ALG14: variants seen among roughly 807,000 people sequenced by gnomAD.
ALG14 encodes ALG14 UDP-N-acetylglucosaminyltransferase subunit.
In ALG14, 17 loss-of-function variants were observed where a neutral mutation model predicts 22.8. The ratio of observed to expected loss-of-function variants is 0.75; its 90% CI spans 0.51 to 1.12. The LOEUF (loss-of-function observed/expected upper bound fraction) is 1.12. Among genes scored for constraint, ALG14 ranks in the 50% most tolerant of loss-of-function variants. The probability of loss-of-function intolerance (pLI) is 0.00; values close to 1 mark genes in which losing one functional copy is unlikely to be tolerated. For missense variants in ALG14, 288 were observed against 271.8 expected, an observed-to-expected ratio of 1.06 and a Z score of -0.42; for synonymous variants, 89 against 103.7, an observed-to-expected ratio of 0.86 and a Z score of 0.86.
intron 2 of ALG14, among the ~76,000 whole-genome samples, chr1:95,044,961 T>C (rs1211133650): frequency 2.6e-5 from 4 of 152,194 alleles, no homozygotes; most frequent in Non-Finnish European, 5.9e-5. Context: ...TTTTTAAACA[T>C]CAGGAACATG....
intron 3 of ALG14, among the ~76,000 whole-genome samples, chr1:95,021,489 C>T (rs1344430000): frequency 3.3e-5 from 5 of 152,192 alleles, no homozygotes; most frequent in African/African-American, 7.2e-5. Flanking sequence ...ATTATCGGTG[C>T]TGTCTGTGCC....
chr1:95,021,021 G>T (rs1037748848), intron 3 of ALG14, among the ~76,000 whole-genome samples: 1 of 152,144 alleles, frequency 6.6e-6, no homozygotes, highest in African/African-American at 2.4e-5. Context: ...ATGGTGCTTT[G>T]ATAAAGAGAA....
intron 3 of ALG14, among the ~76,000 whole-genome samples, chr1:94,994,083 T>A (rs1330278942): frequency 1.3e-5 from 2 of 152,238 alleles, no homozygotes; most frequent in African/African-American, 4.8e-5. Context: ...GTTGGAATGG[T>A]CAGGCCATGC....
intron 3 of ALG14, among the ~76,000 whole-genome samples, chr1:95,015,854 T>C (rs1673483737): frequency 6.6e-6 from 1 of 152,248 alleles, no homozygotes. Flanking sequence ...GCATCCAAAC[T>C]GGGCATTGTG....
intron 3 of ALG14, among the ~76,000 whole-genome samples, chr1:94,992,282 C>T (rs1672794309): frequency 6.6e-6 from 1 of 152,084 alleles, no homozygotes; most frequent in Admixed American, 6.6e-5. Flanking sequence ...TCTATGATGT[C>T]ACCAGGTGAT....
chr1:95,013,180 T>TA (rs1673415134), intron 3 of ALG14, among the ~76,000 whole-genome samples: 1 of 151,702 alleles, frequency 6.6e-6, no homozygotes, highest in African/African-American at 2.4e-5. Flanking sequence ...TCACAAATGT[T>TA]AGAGTTGCTA....
At position 94,978,404 on chromosome 1, in the gene ALG14, C is replaced by CTA. The variant is rs1672436847; in HGVS notation, c.*4671_*4672insTA. ...ATTAGTGCCTATGTTTTGTACAGAG[C>CTA]TGTGGTGTAAATACTATCAAAAGTG... On this transcript the variant is annotated 3_prime_UTR_variant, in exon 4 of 4. Transcript: ENST00000370205. 2.0e-5 allele frequency: 3 copies of CTA among 152,146 alleles called. No homozygotes were observed. Among genetic ancestry groups the CTA allele is most frequent in the Admixed American group, 6.5e-5 (1 of 15,268 alleles). 9.4% of individuals were successfully genotyped at this position (152,146 alleles called of 1,614,324 possible). A position where few individuals can be genotyped will look rare whatever the true frequency, so the allele number is the denominator to read the frequency against.
chr1:95,014,967 T>C (rs929109695), intron 3 of ALG14, among the ~76,000 whole-genome samples: 7 of 152,184 alleles, frequency 4.6e-5, no homozygotes, highest in Non-Finnish European at 1.0e-4. Flanking sequence ...TCCTAACCCT[T>C]TGCAATCTGA....
intron 2 of ALG14, among the ~76,000 whole-genome samples, chr1:95,035,526 T>C (rs1156628905): frequency 6.6e-6 from 1 of 152,122 alleles, no homozygotes; most frequent in Admixed American, 6.6e-5. Flanking sequence ...ACAAGAAAAG[T>C]AGGATGCTGA....
chr1:94,992,506 G>A (rs1446365440), intron 3 of ALG14, among the ~76,000 whole-genome samples: 1 of 152,074 alleles, frequency 6.6e-6, no homozygotes, highest in Non-Finnish European at 1.5e-5. Context: ...GATGACGAAT[G>A]AAGATTTTGT....
intron 2 of ALG14, among the ~76,000 whole-genome samples, chr1:95,030,103 T>TTG (rs1441958228): frequency 6.6e-6 from 1 of 152,196 alleles, no homozygotes. Context: ...CAGAAACCTT[T>TTG]TGGGTCAGAA....
At position 94,978,179 on chromosome 1, in the gene ALG14, C is replaced by T. The variant is rs1041368661; in HGVS notation, c.*4897G>A. On this transcript the variant is annotated 3_prime_UTR_variant, in exon 4 of 4. Coordinates refer to ENST00000370205, the MANE Select transcript of ALG14 (RefSeq NM_144988.4). ...CCCTGGTTCAAGCAATTATTTGCCT[C>T]AGCCTCCCAAGTAGCTGGAATTACA... 2 of 151,944 alleles carry T rather than the reference C, an allele frequency of 1.3e-5. No homozygotes were observed. Among genetic ancestry groups the T allele is most frequent in the Non-Finnish European group, 2.9e-5 (2 of 68,026 alleles). 9.4% of individuals were successfully genotyped at this position (151,944 alleles called of 1,614,324 possible).
chr1:95,024,438 C>T (rs973099495), intron 3 of ALG14, among the ~76,000 whole-genome samples: 12 of 152,088 alleles, frequency 7.9e-5, no homozygotes, highest in Non-Finnish European at 1.5e-5. Flanking sequence ...TTTTAAAATA[C>T]TGGATAACTT....
At position 95,064,959 on chromosome 1, in the gene ALG14, A is replaced by AGGT. The variant is rs1438870990; in HGVS notation, c.192_194dup (p.Pro65dup). 1 of 1,614,030 alleles carries AGGT rather than the reference A, an allele frequency of 6.2e-7. No homozygotes were observed. The highest frequency in any genetic ancestry group is 2.2e-5 in the East Asian group (1 of 44,882). ...CAGTGTCAGCAATGACATAATGTCT[A>AGGT]GGTGAGTAGGCATTGGACAAGCTCC... On this transcript the variant is annotated inframe_insertion, in exon 2 of 4. Transcript: ENST00000370205.
intron 2 of ALG14, among the ~76,000 whole-genome samples, chr1:95,031,383 C>T (rs770464551): frequency 6.6e-6 from 1 of 152,126 alleles, no homozygotes; most frequent in Non-Finnish European, 1.5e-5. Flanking sequence ...AAGCCCTAAC[C>T]GTGACATTAA....
In ALG14 at chr1:95,024,704, C is replaced by T. The variant is rs562888944; in HGVS notation, c.420+2425G>A. The stretch of plus-strand genomic sequence containing the variant: ...TAGAGCTGTGTTTACTTTTATACCT[C>T]GAGTGCACAGTATAAATCCTATCAC... On this transcript the variant is annotated intron_variant, in intron 3 of 3. Coordinates refer to ENST00000370205, the MANE Select transcript of ALG14 (RefSeq NM_144988.4). Among the ~76,000 whole-genome samples the T allele has an allele frequency of 3.3e-5, 5 of 152,266 alleles. No homozygotes were observed. In the South Asian group the frequency reaches 8.3e-4, roughly 25 times the overall value.
At chr1:95,000,575 T>A (rs1673037479) in intron 3 of ALG14, among the ~76,000 whole-genome samples, 1 of 148,674 alleles carries the variant, frequency 6.7e-6, no homozygotes, top group Non-Finnish European at 1.5e-5. Context: ...ATATTTCCTG[T>A]TGGTAGCCAT....
intron 3 of ALG14, among the ~76,000 whole-genome samples, chr1:94,995,024 G>T (rs1219310681): frequency 1.3e-5 from 2 of 152,120 alleles, no homozygotes; most frequent in Non-Finnish European, 2.9e-5. Context: ...CTTCAATCAT[G>T]GCACTCTCTT....
chr1:95,012,017 T>G (rs1205347185), intron 3 of ALG14, among the ~76,000 whole-genome samples: 6 of 152,160 alleles, frequency 3.9e-5, no homozygotes, highest in Admixed American at 3.9e-4. Flanking sequence ...TCCCCCATAT[T>G]GTTCTCGTGG....
Sources: gnomAD v4.1 joint callset for allele counts (sites outside exome capture counted in the v4.1 genomes callset) on GRCh38, gnomAD v4.1.1 for gene constraint, MANE v1.5 for transcripts, NCBI Gene and HGNC (gene_info 2026-07-23, HGNC 2026-07-21) for gene names.